Variants in DGKK observed in about 807,000 individuals in gnomAD.
The protein encoded by DGKK is diacylglycerol kinase kappa, also known as 142 kDa diacylglycerol kinase.
Under a neutral mutation model 92.2 loss-of-function variants are expected in DGKK, and 35 were observed. The ratio of observed to expected loss-of-function variants is 0.38; its 90% CI spans 0.29 to 0.50. The LOEUF is 0.50. DGKK is among the 20% of genes least tolerant of loss of function. DGKK has a pLI of 0.92. For missense variants in DGKK, 910 were observed against 992.2 expected (o/e 0.92, Z 1.11); for synonymous variants, 368 against 360.6 (o/e 1.02, Z -0.23).
chrX:50,405,285 G>A (rs1925121543), intron 4 of DGKK, among the ~76,000 whole-genome samples: 1 of 110,956 alleles, frequency 9.0e-6, no homozygotes, highest in African/African-American at 3.3e-5. Context: ...GGGTATACCA[G>A]CAACAGTTTT....
chrX:50,452,329 A>G (rs1250641076), intron 1 of DGKK, among the ~76,000 whole-genome samples: 1 of 112,263 alleles, frequency 8.9e-6, no homozygotes, highest in Non-Finnish European at 1.9e-5. Flanking sequence ...ACATTAAGGC[A>G]TAGGACAGAG....
At chrX:50,461,781 G>A (rs958802738) in intron 1 of DGKK, among the ~76,000 whole-genome samples, 3 of 112,137 alleles carry the variant, frequency 2.7e-5, no homozygotes, top group Non-Finnish European at 3.8e-5. Context: ...ATCAGTTTAC[G>A]TTTTAAAGAA....
At position 50,386,553 on chromosome X, in the gene DGKK, T is replaced by C; in HGVS notation, c.2152A>G (p.Ile718Val). The C allele has an allele frequency of 8.3e-7, 1 of 1,210,657 alleles. No individual in the cohort carries two copies. The highest frequency in any genetic ancestry group is 1.1e-6 in the Non-Finnish European group (1 of 895,029). ...GCTGCCTCCTCAGCCAGGACATCGATCAGGACACTGAGCCTATCATACATT... is the reference window on the plus strand; with the variant it reads ...GCTGCCTCCTCAGCCAGGACATCGACCAGGACACTGAGCCTATCATACATT... ...DLMYDRLSVLIDVLAEEAAAT... is the reference protein window; with the variant it reads ...DLMYDRLSVLVDVLAEEAAAT... The change falls in exon 15 of 28, where the codon ATC becomes GTC. Residue 718 changes from isoleucine (I) to valine (V), a missense_variant. Ile to Val is a conservative substitution (Grantham distance 29). Coordinates refer to ENST00000611977, the MANE Select transcript of DGKK (RefSeq NM_001013742.4).
intron 1 of DGKK, among the ~76,000 whole-genome samples, chrX:50,433,608 A>G (rs782136993): frequency 1.8e-5 from 2 of 111,533 alleles, no homozygotes; most frequent in African/African-American, 3.3e-5. Context: ...TGGGGGTTTG[A>G]GGAGAAAAGT....
chrX:50,443,394 A>T (rs1365167762), intron 1 of DGKK, among the ~76,000 whole-genome samples: 2 of 111,883 alleles, frequency 1.8e-5, no homozygotes, highest in Non-Finnish European at 3.8e-5. Flanking sequence ...AATGACACAG[A>T]TAGAACCAAA....
rs1923955033 is a variant in DGKK, at chrX:50,365,628, G to A, written c.*3312C>T. Reference sequence around the variant, plus strand: ...CCTCTGAGGAAATAAAAAACACAGAGCAGAAAACAACAATGGGTTACAGAT... The same window carrying A: ...CCTCTGAGGAAATAAAAAACACAGAACAGAAAACAACAATGGGTTACAGAT... On this transcript the variant is annotated 3_prime_UTR_variant, in exon 28 of 28. Coordinates refer to ENST00000611977, the MANE Select transcript of DGKK (RefSeq NM_001013742.4). The A allele has an allele frequency of 9.0e-6, 1 of 110,923 alleles. No homozygotes were observed. The highest frequency in any genetic ancestry group is 1.9e-5 in the Non-Finnish European group (1 of 53,007). The allele number at this position is 110,923 out of a possible 1,213,427, so 9.1% of individuals were successfully genotyped here.
intron 27 of DGKK, among the ~76,000 whole-genome samples, chrX:50,369,594 C>T (rs915109696): frequency 9.3e-6 from 1 of 107,798 alleles, no homozygotes; most frequent in Non-Finnish European, 1.9e-5. Flanking sequence ...TGAGGTCTCA[C>T]TCTATTGCCC....
intron 1 of DGKK, among the ~76,000 whole-genome samples, chrX:50,465,146 G>T (rs372536316): frequency 8.9e-6 from 1 of 111,865 alleles, no homozygotes; most frequent in South Asian, 3.7e-4. Context: ...TTTAAGGTTA[G>T]AAATACTGTT....
intron 1 of DGKK, among the ~76,000 whole-genome samples, chrX:50,464,509 A>T (rs1926845580): frequency 1.8e-5 from 2 of 109,836 alleles, no homozygotes; most frequent in Admixed American, 9.7e-5. Context: ...CGTAAATTTC[A>T]TTAACTTTTA....
intron 1 of DGKK, among the ~76,000 whole-genome samples, chrX:50,453,555 C>T (rs1409679687): frequency 9.0e-6 from 1 of 111,413 alleles, no homozygotes; most frequent in Non-Finnish European, 1.9e-5. Flanking sequence ...AGTAGTATTC[C>T]TTACATGCAT....
At chrX:50,401,844 T>C (rs1375548133) in intron 7 of DGKK, among the ~76,000 whole-genome samples, 1 of 111,384 alleles carries the variant, frequency 9.0e-6, no homozygotes. Flanking sequence ...GAGAAGCATC[T>C]AAAAGGCTAG....
In DGKK at chrX:50,457,432, G is replaced by T. The variant is rs1195329033; in HGVS notation, c.645+12602C>A. Among the ~76,000 whole-genome samples, 3 of 111,513 alleles carry T rather than the reference G, an allele frequency of 2.7e-5. No individual in the cohort carries two copies. In the Admixed American group the frequency reaches 2.9e-4, roughly 11 times the overall value. On this transcript the variant is annotated intron_variant, in intron 1 of 27. Coordinates refer to ENST00000611977, the MANE Select transcript of DGKK (RefSeq NM_001013742.4). Reference sequence around the variant, plus strand: ...ACCGCTAATTAATAATGTAATTAGGGTTTATTATAACTAGCATACATTTGT... The same window carrying T: ...ACCGCTAATTAATAATGTAATTAGGTTTTATTATAACTAGCATACATTTGT...
At chrX:50,378,449 G>T in intron 21 of DGKK, 129 bp downstream of exon 21, 1 of 752,253 alleles carries the variant, frequency 1.3e-6, no homozygotes. Context: ...GCACTTTACT[G>T]CCCACCAGAT....
At chrX:50,411,603 T>C (rs1273057410) in intron 4 of DGKK, among the ~76,000 whole-genome samples, 1 of 112,331 alleles carries the variant, frequency 8.9e-6, no homozygotes, top group Non-Finnish European at 1.9e-5. Flanking sequence ...AACAAACTGA[T>C]AGCTAGTATC....
chrX:50,389,339 C>T, intron 12 of DGKK, among the ~76,000 whole-genome samples: 1 of 112,286 alleles, frequency 8.9e-6, no homozygotes, highest in Non-Finnish European at 1.9e-5. Context: ...GCTACCACTT[C>T]ACCAGTCCAA....
intron 1 of DGKK, among the ~76,000 whole-genome samples, chrX:50,429,302 T>G (rs1925821643): frequency 9.0e-6 from 1 of 111,646 alleles, no homozygotes; most frequent in Non-Finnish European, 1.9e-5. Flanking sequence ...AGGGCCTGGT[T>G]TTTTAGTATG....
chrX:50,404,294 G>T, intron 4 of DGKK, 110 bp from the exon 5 acceptor site: 1 of 874,708 alleles, frequency 1.1e-6, no homozygotes, highest in Non-Finnish European at 1.5e-6. Flanking sequence ...ATAGGTGTCA[G>T]AGCGTGTGAA....
intron 1 of DGKK, among the ~76,000 whole-genome samples, chrX:50,437,750 G>T (rs1028410748): frequency 3.3e-4 from 37 of 111,666 alleles, no homozygotes; most frequent in African/African-American, 1.2e-3. Context: ...TGAGCATGTT[G>T]CATTGGAGGG....
chrX:50,383,826 G>C (rs1202569652), intron 17 of DGKK, among the ~76,000 whole-genome samples: 1 of 112,239 alleles, frequency 8.9e-6, no homozygotes, highest in Non-Finnish European at 1.9e-5. Context: ...GTGAAAAAAA[G>C]CAAGTCCTCT....
Sources: gnomAD v4.1 joint callset for allele counts (sites outside exome capture counted in the v4.1 genomes callset) on GRCh38, gnomAD v4.1.1 for gene constraint, MANE v1.5 for transcripts, NCBI Gene and HGNC (gene_info 2026-07-23, HGNC 2026-07-21) for gene names.